ESYT1: variants seen among roughly 807,000 people sequenced by gnomAD.
ESYT1 encodes extended synaptotagmin 1, also known as extended synaptotagmin-1.
Under a neutral mutation model 154.2 loss-of-function variants are expected in ESYT1, and 116 were observed. That is an observed-to-expected ratio of 0.75 (90% CI 0.65 to 0.88). ESYT1 has a LOEUF of 0.88. Among genes scored for constraint, ESYT1 ranks in the 40% least tolerant of loss-of-function variants. ESYT1 has a pLI of 0.00. For synonymous variants in ESYT1, 500 were observed against 539.9 expected (o/e 0.93, Z 1.02); for missense variants, 1,264 against 1,379.3 (o/e 0.92, Z 1.32).
rs1555215370 is a variant in ESYT1, at chr12:56,142,058, A to AT, written c.2593-226dup. On this transcript the variant is annotated intron_variant, in intron 24 of 30. Coordinates refer to ENST00000394048, the MANE Select transcript of ESYT1 (RefSeq NM_015292.3). The surrounding 1 kb of genome is among the most constrained non-coding windows in gnomAD (Gnocchi z 4.1). ...GGTTGCGGTGAGACCAGATCACGCC[A>AT]TGCACTCCAGCCTGGGCAACAAGAG... 7.3e-5 allele frequency among the ~76,000 whole-genome samples: 11 copies of AT among 150,344 alleles called. No individual in the cohort carries two copies. Among genetic ancestry groups the AT allele is most frequent in the Admixed American group, 7.3e-4 (11 of 15,090 alleles).
intron 24 of ESYT1, among the ~76,000 whole-genome samples, chr12:56,141,903 A>C (rs548370738): frequency 6.6e-6 from 1 of 152,180 alleles, no homozygotes; most frequent in Non-Finnish European, 1.5e-5. Flanking sequence ...GTTTGAGACC[A>C]GCCTGACCAA....
rs368975133 is a variant in ESYT1 at position 56,131,190 on chromosome 12, C to G, written c.642-54C>G. On this transcript the variant is annotated intron_variant, in intron 4 of 30. Transcript: ENST00000394048. ...TCCAGGCTACTTCACTCCCCCTCCC[C>G]GCAACTTCAGCCAAGGACTAACTCT... 70 of 1,613,486 alleles carry G rather than the reference C, an allele frequency of 4.3e-5. 1 individual carries two copies. In the East Asian group the frequency reaches 1.0e-3, roughly 23 times the overall value.
intron 2 of ESYT1, 77 bp from the exon 3 acceptor site, chr12:56,130,714 C>T (rs1870197647): frequency 6.8e-6 from 11 of 1,612,764 alleles, no homozygotes; most frequent in African/African-American, 1.3e-5. Context: ...CAGTGCTCTC[C>T]GTGGGGAGGA....
At chr12:56,139,547 TG>T (rs1870605027) in intron 24 of ESYT1, among the ~76,000 whole-genome samples, 1 of 150,628 alleles carries the variant, frequency 6.6e-6, no homozygotes, top group South Asian at 2.1e-4. Flanking sequence ...GGGGAAAGGC[TG>T]GAGATAGAAA....
At position 56,142,613 on chromosome 12, in the gene ESYT1, T is replaced by TAGCCACAGCTAC. The variant is rs1209593127; in HGVS notation, c.2780_2791dup (p.Tyr927_Ser930dup). 4.3e-6 allele frequency: 7 copies of TAGCCACAGCTAC among 1,613,874 alleles called. No homozygotes were observed. The highest frequency in any genetic ancestry group is 4.5e-5 in the East Asian group (2 of 44,866). ...CCCAGCACTCGGGAGTGGAAGCTCA[T>TAGCCACAGCTAC]AGCCACAGCTACAGCCACAGCTCCT... On this transcript the variant is annotated inframe_insertion, in exon 26 of 31. Transcript: ENST00000394048. This position sits in a 1 kb window ranked among gnomAD's most constrained non-coding sequence, Gnocchi z 4.1.
Position 56,142,439 on chromosome 12 carries a change from G to A in ESYT1, c.2733+14G>A. ...GCACAGCTAGGGGTGAGTGACAGGAGATGGTGGGCAGGATGAGAGGGAGGA... is the reference window on the plus strand; with the variant it reads ...GCACAGCTAGGGGTGAGTGACAGGAAATGGTGGGCAGGATGAGAGGGAGGA... On this transcript the variant is annotated intron_variant, in intron 25 of 30. Transcript: ENST00000394048. This position sits in a 1 kb window ranked among gnomAD's most constrained non-coding sequence, Gnocchi z 4.1. The A allele has an allele frequency of 1.2e-6, 2 of 1,610,662 alleles. No homozygotes were observed. Among genetic ancestry groups the A allele is most frequent in the Non-Finnish European group, 8.5e-7 (1 of 1,177,458 alleles).
At chr12:56,132,926 C>T in intron 10 of ESYT1, 125 bp downstream of exon 10, 3 of 759,282 alleles carry the variant, frequency 4.0e-6, no homozygotes, top group Non-Finnish European at 6.7e-6. Flanking sequence ...TGAGACCATC[C>T]TGGCTAACAC....
chr12:56,142,097 C>CAA lies in ESYT1; in HGVS notation c.2593-175_2593-174dup, dbSNP rs35837136. Among the ~76,000 whole-genome samples the CAA allele has an allele frequency of 1.6e-5, 2 of 122,404 alleles. No homozygotes were observed. Among genetic ancestry groups the CAA allele is most frequent in the Admixed American group, 8.4e-5 (1 of 11,904 alleles). The allele number at this position is 122,404 out of a possible 152,430, so 80.3% of individuals were successfully genotyped here. On this transcript the variant is annotated intron_variant, in intron 24 of 30. Transcript: ENST00000394048. The surrounding 1 kb of genome is among the most constrained non-coding windows in gnomAD (Gnocchi z 4.1). Reference sequence around the variant, plus strand: ...GGGCAACAAGAGCGAAACTCTGTCTCAAAAAAAAAAAAAAGGAAGGAAGGA... The same window carrying CAA: ...GGGCAACAAGAGCGAAACTCTGTCTCAAAAAAAAAAAAAAAAGGAAGGAAGGA...
At position 56,137,527 on chromosome 12, in the gene ESYT1, C is replaced by T. The variant is rs1209093846; in HGVS notation, c.1967C>T (p.Ala656Val). 2 of 1,613,960 alleles carry T rather than the reference C, an allele frequency of 1.2e-6. No individual in the cohort carries two copies. The highest frequency in any genetic ancestry group is 1.1e-5 in the South Asian group (1 of 91,046). The change falls in exon 18 of 31, where the codon GCC (alanine) becomes GTC (valine). Residue 656 changes from alanine (A) to valine (V), a missense_variant. Coordinates refer to ENST00000394048, the MANE Select transcript of ESYT1 (RefSeq NM_015292.3). The stretch of plus-strand genomic sequence containing the variant: ...GTGCTTCGGATCCATGTATTAGAGG[C>T]CCAGGACCTGATTGCCAAAGACCGT... ...EHVLRIHVLEAQDLIAKDRFL... is the reference protein window; with the variant it reads ...EHVLRIHVLEVQDLIAKDRFL...
Position 56,136,672 on chromosome 12 carries a change from T to C in ESYT1, c.1633-72T>C, listed in dbSNP as rs972863490. 1.3e-5 allele frequency: 18 copies of C among 1,368,118 alleles called. No homozygotes were observed. In the East Asian group the frequency reaches 4.5e-4, roughly 34 times the overall value. 84.7% of individuals were successfully genotyped at this position (1,368,118 alleles called of 1,614,324 possible). On this transcript the variant is annotated intron_variant, in intron 15 of 30. Transcript: ENST00000394048. Reference sequence around the variant, plus strand: ...ACAGAGAGGAATGAAGTTGGAGCCATGTTATCATTTTCACAGTATGCCTCC... The same window carrying C: ...ACAGAGAGGAATGAAGTTGGAGCCACGTTATCATTTTCACAGTATGCCTCC...
At chr12:56,129,444 T>A (rs2136867282) in intron 1 of ESYT1, 1 of 153,318 alleles carries the variant, frequency 6.5e-6, no homozygotes, top group Admixed American at 6.5e-5. Flanking sequence ...CGGCCGCGTC[T>A]CCTGTGCTGA....
rs764074897 is a variant in ESYT1 at position 56,133,614 on chromosome 12, C to G, written c.1320C>G (p.Gly440=). 17 of 1,614,184 alleles carry G rather than the reference C, an allele frequency of 1.1e-5. No homozygotes were observed. The highest frequency in any genetic ancestry group is 1.4e-5 in the Non-Finnish European group (17 of 1,180,030). ...GGTTCCCTCTACAAGGTGGGCAAGG[C>G]CAAGTTCACTTGAGGCTAGAATGGC... ...DDWFPLQGGQ[G]QVHLRLEWLS... Residue 440 remains glycine, a synonymous_variant, in exon 12 of 31, where the codon GGC becomes GGG. Coordinates refer to ENST00000394048, the MANE Select transcript of ESYT1 (RefSeq NM_015292.3).
chr12:56,128,464 G>C lies in ESYT1; in HGVS notation c.145G>C (p.Gly49Arg). 1 of 1,611,532 alleles carries C rather than the reference G, an allele frequency of 6.2e-7. No individual in the cohort carries two copies. Among genetic ancestry groups the C allele is most frequent in the Non-Finnish European group, 8.5e-7 (1 of 1,178,772 alleles). ...CCAACCTGCTGGCCCTGGCGCGGCG[G>C]GTGAGGCCCTGGCGGTGCTGACTTC... Reference protein sequence around the residue: ...GGQPAGPGAAGEALAVLTSFG... With the variant: ...GGQPAGPGAAREALAVLTSFG... The change falls in exon 1 of 31, where the codon GGT (glycine) becomes CGT (arginine). Residue 49 changes from glycine (G) to arginine (R), a missense_variant. Coordinates refer to ENST00000394048, the MANE Select transcript of ESYT1 (RefSeq NM_015292.3).
intron 12 of ESYT1, 31 bp downstream of exon 12, chr12:56,133,705 G>A: frequency 6.2e-7 from 1 of 1,613,698 alleles, no homozygotes; most frequent in Non-Finnish European, 8.5e-7. Flanking sequence ...GAAGCTGGCA[G>A]GGGAGAAATA....
In ESYT1 at chr12:56,144,115, C is replaced by A. The variant is rs986131553; in HGVS notation, c.*253C>A. ...AGCTGGCTGTTTCCTGCTTTGCCTG[C>A]ACATTGTTCTCCCTTCCTCCCAACT... On this transcript the variant is annotated 3_prime_UTR_variant, in exon 31 of 31. Transcript: ENST00000394048. 6 of 1,410,438 alleles carry A rather than the reference C, an allele frequency of 4.3e-6. No homozygotes were observed. The highest frequency in any genetic ancestry group is 5.5e-6 in the Non-Finnish European group (6 of 1,084,800). The allele number at this position is 1,410,438 out of a possible 1,614,324, so 87.4% of individuals were successfully genotyped here. A position where few individuals can be genotyped will look rare whatever the true frequency, so the allele number is the denominator to read the frequency against.
At chr12:56,139,059 G>A (rs746534725) in intron 24 of ESYT1, 46 bp downstream of exon 24, 10 of 1,471,218 alleles carry the variant, frequency 6.8e-6, no homozygotes, top group African/African-American at 1.4e-5. Flanking sequence ...TTCTGCCATG[G>A]CCAGGCAGGA....
rs749144167 is a variant in ESYT1 at position 56,132,743 on chromosome 12, C to G, written c.1186C>G (p.Gln396Glu). 1.2e-6 allele frequency: 2 copies of G among 1,614,156 alleles called. No homozygotes were observed. Among genetic ancestry groups the G allele is most frequent in the Non-Finnish European group, 1.7e-6 (2 of 1,180,028 alleles). The stretch of plus-strand genomic sequence containing the variant: ...GGTGATGGTACACGAGGTCCCAGGG[C>G]AGGAGATTGAAGTGGAGGTGTTCGA... ...YEVMVHEVPG[Q>E]EIEVEVFDKD... The change falls in exon 10 of 31, where the codon CAG becomes GAG. Residue 396 changes from glutamine to glutamate, a missense_variant. Gln to Glu is a conservative substitution (Grantham distance 29). Coordinates refer to ENST00000394048, the MANE Select transcript of ESYT1 (RefSeq NM_015292.3).
At chr12:56,143,464 G>T (rs537161998) in intron 29 of ESYT1, 116 bp from the exon 30 acceptor site, 2 of 1,506,266 alleles carry the variant, frequency 1.3e-6, no homozygotes, top group Admixed American at 1.7e-5. Context: ...GGTTTGGGAC[G>T]AGTATGTGAT....
intron 16 of ESYT1, 91 bp from the exon 17 acceptor site, chr12:56,137,127 G>C: frequency 6.6e-7 from 1 of 1,523,062 alleles, no homozygotes; most frequent in South Asian, 1.2e-5. Context: ...TAGTTCCCCT[G>C]TCACAGCCCC....
Sources: gnomAD v4.1 joint callset for allele counts (sites outside exome capture counted in the v4.1 genomes callset) on GRCh38, gnomAD v4.1.1 for gene constraint, Gnocchi (gnomAD v3.1) non-coding constraint, MANE v1.5 for transcripts, NCBI Gene and HGNC (gene_info 2026-07-23, HGNC 2026-07-21) for gene names.